The following MAML2 variants were observed in gnomAD, a reference collection of about 807,000 sequenced individuals.
MAML2 encodes the protein mastermind like transcriptional coactivator 2.
A neutral mutation model predicts 96.1 loss-of-function variants in MAML2; 22 were observed. That is an observed-to-expected ratio of 0.23 (90% confidence interval 0.16 to 0.33). The LOEUF (loss-of-function observed/expected upper bound fraction) is 0.33, where lower values mean the gene tolerates loss of function less well. MAML2 is among the 10% of genes least tolerant of loss of function. MAML2 has a pLI of 1.00. For missense variants in MAML2, 1,367 were observed against 1,392.4 expected (o/e 0.98, Z 0.29); for synonymous variants, 561 against 521.3 (o/e 1.08, Z -1.04).
chr11:96,283,670 C>A (rs1158112656), intron 1 of MAML2, among the ~76,000 whole-genome samples: 2 of 152,172 alleles, frequency 1.3e-5, no homozygotes, highest in African/African-American at 2.4e-5. Flanking sequence ...CAACATTTGT[C>A]CTCTACGTTC....
chr11:96,003,819 A>G (rs1413358043), intron 2 of MAML2, among the ~76,000 whole-genome samples: 1 of 152,176 alleles, frequency 6.6e-6, no homozygotes, highest in Admixed American at 6.5e-5. Context: ...ACAAGGCATT[A>G]GATTAAATAA....
chr11:96,154,294 G>A (rs542388411), intron 1 of MAML2, among the ~76,000 whole-genome samples: 1 of 152,140 alleles, frequency 6.6e-6, no homozygotes, highest in African/African-American at 2.4e-5. Context: ...CAAAACTTTT[G>A]AGCAGTCTGC....
intron 1 of MAML2, among the ~76,000 whole-genome samples, chr11:96,200,257 T>G (rs922165153): frequency 2.0e-4 from 30 of 152,222 alleles, no homozygotes; most frequent in African/African-American, 6.3e-4. Flanking sequence ...CTTAATGTTC[T>G]AGATAACTTT....
chr11:96,068,912 C>T (rs1257125612), intron 2 of MAML2, among the ~76,000 whole-genome samples: 2 of 141,686 alleles, frequency 1.4e-5, no homozygotes, highest in African/African-American at 2.7e-5. Context: ...TCCTTCTTCC[C>T]TCCTTTTTTT....
chr11:96,237,500 C>T (rs916480483), intron 1 of MAML2, among the ~76,000 whole-genome samples: 1 of 152,200 alleles, frequency 6.6e-6, no homozygotes, highest in African/African-American at 2.4e-5. Context: ...GATTTTCTAA[C>T]TCCAATTAAA....
intron 1 of MAML2, among the ~76,000 whole-genome samples, chr11:96,313,015 G>A (rs536713479): frequency 1.3e-5 from 2 of 152,302 alleles, no homozygotes; most frequent in Admixed American, 1.3e-4. Flanking sequence ...GTTAGCGCCA[G>A]ACAAAATAAT....
rs143548139 is a variant in MAML2 at position 96,148,294 on chromosome 11, G to A, written c.514-54777C>T. ...TTCAGATTCAATGATTTTCTTTGGG[G>A]GGTTGTTTCAGATAAAACAGAAGGT... On this transcript the variant is annotated intron_variant, in intron 1 of 4. Coordinates refer to ENST00000524717, the MANE Select transcript of MAML2 (RefSeq NM_032427.4). Among the ~76,000 whole-genome samples the A allele has an allele frequency of 3.2e-3, 480 of 152,196 alleles. 2 individuals carry two copies. Among genetic ancestry groups the A allele is most frequent in the Middle Eastern group, 0.01 (3 of 294 alleles).
At chr11:96,209,780 G>A (rs762342423) in intron 1 of MAML2, among the ~76,000 whole-genome samples, 5 of 152,110 alleles carry the variant, frequency 3.3e-5, no homozygotes, top group South Asian at 2.1e-4. Context: ...CGAAACTATC[G>A]ATTATTTTGT....
Position 96,342,576 on chromosome 11 carries a change from G to T in MAML2, c.-681C>A. 2.5e-6 allele frequency: 1 copy of T among 395,540 alleles called. No homozygotes were observed. The highest frequency in any genetic ancestry group is 4.5e-6 in the Non-Finnish European group (1 of 224,700). 24.5% of individuals were successfully genotyped at this position (395,540 alleles called of 1,614,324 possible). On this transcript the variant is annotated 5_prime_UTR_variant, in exon 1 of 5. Transcript: ENST00000524717. ...TTTTCCTCCCTTTCCTTTCGCTCCG[G>T]TGTTTTCTCCTCTTTGGGGTACTGT...
chr11:96,279,455 A>T (rs1298255335), intron 1 of MAML2, among the ~76,000 whole-genome samples: 2 of 152,212 alleles, frequency 1.3e-5, no homozygotes, highest in Non-Finnish European at 2.9e-5. Flanking sequence ...TATACAGATG[A>T]ACAAAGGAAG....
chr11:96,034,456 A>AGAGAGAGAGAGAGTGT (rs766634690), intron 2 of MAML2, among the ~76,000 whole-genome samples: 1 of 144,734 alleles, frequency 6.9e-6, no homozygotes, highest in African/African-American at 2.6e-5. Flanking sequence ...AGAGAGAGAG[A>AGAGAGAGAGAGAGTGT]GTGTGTGTGT....
rs145751471 is a variant in MAML2 at position 96,258,668 on chromosome 11, A to T, written c.513+82715T>A. ...AGTGGTCTAAGCCAGTGTGCTTAGAAGTTGCCAGATCCTCCATGCTTCATT... is the reference window on the plus strand; with the variant it reads ...AGTGGTCTAAGCCAGTGTGCTTAGATGTTGCCAGATCCTCCATGCTTCATT... On this transcript the variant is annotated intron_variant, in intron 1 of 4. Coordinates refer to ENST00000524717, the MANE Select transcript of MAML2 (RefSeq NM_032427.4). 2.7e-3 allele frequency among the ~76,000 whole-genome samples: 416 copies of T among 152,332 alleles called. 1 individual carries two copies. The highest frequency in any genetic ancestry group is 0.014 in the Middle Eastern group (4 of 294).
At chr11:96,308,974 T>A (rs371331251) in intron 1 of MAML2, among the ~76,000 whole-genome samples, 1 of 152,196 alleles carries the variant, frequency 6.6e-6, no homozygotes, top group South Asian at 2.1e-4. Flanking sequence ...TGCTGCAGCA[T>A]AAACAAATAA....
At chr11:96,046,441 T>C (rs564412324) in intron 2 of MAML2, among the ~76,000 whole-genome samples, 1 of 152,178 alleles carries the variant, frequency 6.6e-6, no homozygotes, top group Non-Finnish European at 1.5e-5. Flanking sequence ...AATGGTAGAC[T>C]ACCTCTGTCA....
At chr11:96,188,927 A>G (rs1054363121) in intron 1 of MAML2, among the ~76,000 whole-genome samples, 3 of 152,234 alleles carry the variant, frequency 2.0e-5, no homozygotes, top group Non-Finnish European at 4.4e-5. Flanking sequence ...AAATTCTGCT[A>G]AACAAATAAG....
intron 1 of MAML2, among the ~76,000 whole-genome samples, chr11:96,256,563 T>C (rs934071285): frequency 6.6e-6 from 1 of 152,244 alleles, no homozygotes. Context: ...CATAGGAATC[T>C]GTATTTGTTC....
At chr11:96,030,343 C>T (rs1218866122) in intron 2 of MAML2, among the ~76,000 whole-genome samples, 1 of 151,754 alleles carries the variant, frequency 6.6e-6, no homozygotes, top group Non-Finnish European at 1.5e-5. Context: ...ATGTGATGAC[C>T]TATAACAGCC....
chr11:96,037,426 C>T lies in MAML2; in HGVS notation c.2140-45703G>A, dbSNP rs187542916. The stretch of plus-strand genomic sequence containing the variant: ...ATTTCGAGACAAACACCCTTATACA[C>T]GGTTGTAAGACAGTTTCAACTTTAT... On this transcript the variant is annotated intron_variant, in intron 2 of 4. Coordinates refer to ENST00000524717, the MANE Select transcript of MAML2 (RefSeq NM_032427.4). 9.5e-4 allele frequency among the ~76,000 whole-genome samples: 145 copies of T among 152,320 alleles called. 3 individuals carry two copies. The highest frequency in any genetic ancestry group is 7.6e-3 in the Admixed American group (117 of 15,298).
intron 1 of MAML2, among the ~76,000 whole-genome samples, chr11:96,254,156 A>G (rs7943506): frequency 0.43 from 64,814 of 151,944 alleles, 14,152 homozygotes; most frequent in South Asian, 0.62. Context: ...CACAAAAACA[A>G]AAACAGTCAT....
Sources: allele counts gnomAD v4.1 joint callset (sites outside exome capture counted in the v4.1 genomes callset), GRCh38; gene constraint gnomAD v4.1.1; transcripts MANE v1.5; gene names NCBI Gene and HGNC (gene_info 2026-07-23, HGNC 2026-07-21).